TASP1: variants seen among roughly 807,000 people sequenced by gnomAD.
TASP1 encodes threonine aspartase 1.
Under a neutral mutation model 56.6 loss-of-function variants are expected in TASP1, and 16 were observed. That is an observed-to-expected ratio of 0.28 (90% CI 0.19 to 0.43). The LOEUF (loss-of-function observed/expected upper bound fraction) is 0.43, where lower values mean the gene tolerates loss of function less well. TASP1 is among the 20% of genes least tolerant of loss of function. The probability of loss-of-function intolerance (pLI) is 1.00; values close to 1 mark genes in which losing one functional copy is unlikely to be tolerated. For missense variants in TASP1, 393 were observed against 511.6 expected, an observed-to-expected ratio of 0.77 and a Z score of 2.24; for synonymous variants, 179 against 184.2, an observed-to-expected ratio of 0.97 and a Z score of 0.23.
the TASP1 span, chr20:13,300,213 A>C: frequency 2.6e-5 from 4 of 152,180 alleles, no homozygotes; most frequent in Non-Finnish European, 5.9e-5. Flanking sequence ...AAACGGCCCC[A>C]AAACAGTAGA....
the TASP1 span, among the ~76,000 whole-genome samples, chr20:13,369,809 A>G: frequency 0.018 from 2,680 of 152,348 alleles, 76 homozygotes; most frequent in African/African-American, 0.059. Flanking sequence ...ATTGTTTCCA[A>G]ATAAATGCTT....
chr20:13,621,611 C>T (rs182039484), intron 4 of TASP1, among the ~76,000 whole-genome samples: 4 of 151,892 alleles, frequency 2.6e-5, no homozygotes, highest in East Asian at 1.9e-4. Flanking sequence ...ACAAGTTATC[C>T]GAAACTGTAA....
At chr20:13,335,535 C>T in the TASP1 span, among the ~76,000 whole-genome samples, 2 of 151,844 alleles carry the variant, frequency 1.3e-5, no homozygotes, top group Non-Finnish European at 2.9e-5. Flanking sequence ...AAACATACCA[C>T]CAGCGATCTG....
chr20:13,515,341 A>G (rs1222243829), intron 10 of TASP1, among the ~76,000 whole-genome samples: 1 of 152,062 alleles, frequency 6.6e-6, no homozygotes, highest in East Asian at 1.9e-4. Flanking sequence ...ACAATGAGGA[A>G]AGCAACTGGT....
At chr20:13,483,121 C>A in intron 11 of TASP1, 106 bp downstream of exon 11, 1 of 769,998 alleles carries the variant, frequency 1.3e-6, no homozygotes. Flanking sequence ...TCTGCTAGAC[C>A]CTAGAGGTAG....
At chr20:13,539,472 C>T (rs186944986) in intron 8 of TASP1, among the ~76,000 whole-genome samples, 1 of 152,240 alleles carries the variant, frequency 6.6e-6, no homozygotes, top group Non-Finnish European at 1.5e-5. Context: ...ATCCCCTGTG[C>T]CCAGGAGTGC....
chr20:13,292,871 A>G, the TASP1 span, among the ~76,000 whole-genome samples: 1 of 152,000 alleles, frequency 6.6e-6, no homozygotes, highest in African/African-American at 2.4e-5. Flanking sequence ...AGATTTTCTC[A>G]AAATATTGCA....
intron 4 of TASP1, among the ~76,000 whole-genome samples, chr20:13,601,220 G>A (rs1183661102): frequency 6.6e-6 from 1 of 152,028 alleles, no homozygotes; most frequent in Non-Finnish European, 1.5e-5. Context: ...TGAGGTTGCA[G>A]TGAGCTGTGA....
chr20:13,573,652 C>CT (rs1439003711), intron 6 of TASP1, among the ~76,000 whole-genome samples: 2 of 152,080 alleles, frequency 1.3e-5, no homozygotes, highest in African/African-American at 4.8e-5. Context: ...AGAAAGTGAA[C>CT]TTCCAGGTAT....
chr20:13,346,644 C>G, the TASP1 span, among the ~76,000 whole-genome samples: 5 of 152,200 alleles, frequency 3.3e-5, no homozygotes, highest in Admixed American at 3.3e-4. Context: ...TCAAGGTTGT[C>G]GAGGACAGCA....
chr20:13,420,121 C>G (rs1336234674), intron 12 of TASP1, among the ~76,000 whole-genome samples: 4 of 152,010 alleles, frequency 2.6e-5, no homozygotes, highest in African/African-American at 7.2e-5. Context: ...AGGAATTAGC[C>G]AAGAAAAATC....
chr20:13,581,103 T>C (rs2047108444), intron 5 of TASP1, 122 bp from the exon 6 acceptor site: 1 of 783,670 alleles, frequency 1.3e-6, no homozygotes, highest in Non-Finnish European at 2.0e-6. Flanking sequence ...TTTTTCGATA[T>C]ATCAAATAAT....
chr20:13,582,858 G>A (rs1011455430), intron 5 of TASP1, among the ~76,000 whole-genome samples: 6 of 152,092 alleles, frequency 3.9e-5, no homozygotes, highest in African/African-American at 1.2e-4. Context: ...CTCTAAGTAC[G>A]TTTCCTTTGC....
chr20:13,415,052 A>C (rs1344980978), intron 13 of TASP1, among the ~76,000 whole-genome samples: 1 of 152,178 alleles, frequency 6.6e-6, no homozygotes, highest in Non-Finnish European at 1.5e-5. Flanking sequence ...AATTTTTGAA[A>C]ACAAGGGCAC....
chr20:13,374,429 G>A, the TASP1 span, among the ~76,000 whole-genome samples: 1 of 151,380 alleles, frequency 6.6e-6, no homozygotes, highest in Non-Finnish European at 1.5e-5. Context: ...CTCACTGCAA[G>A]CTCTGCCTCC....
At chr20:13,244,659 G>T in the TASP1 span, among the ~76,000 whole-genome samples, 1 of 152,220 alleles carries the variant, frequency 6.6e-6, no homozygotes, top group Non-Finnish European at 1.5e-5. Flanking sequence ...ACACAGATAA[G>T]GAGATAATGT....
the TASP1 span, among the ~76,000 whole-genome samples, chr20:13,351,073 T>A: frequency 2.0e-5 from 3 of 151,738 alleles, no homozygotes; most frequent in Non-Finnish European, 2.9e-5. Flanking sequence ...AATAAACATA[T>A]GAAAAGAAGC....
At chr20:13,275,667 G>C in the TASP1 span, among the ~76,000 whole-genome samples, 2 of 152,208 alleles carry the variant, frequency 1.3e-5, no homozygotes, top group Admixed American at 1.3e-4. Context: ...ATATATAAGT[G>C]TGATTATCTG....
At chr20:13,505,868 C>T (rs535975291) in intron 10 of TASP1, among the ~76,000 whole-genome samples, 14 of 151,636 alleles carry the variant, frequency 9.2e-5, no homozygotes, top group African/African-American at 3.4e-4. Flanking sequence ...GAAAAACATA[C>T]GAAGGCCAAA....
Sources: allele counts gnomAD v4.1 joint callset (sites outside exome capture counted in the v4.1 genomes callset), GRCh38; gene constraint gnomAD v4.1.1; transcripts MANE v1.5; gene names NCBI Gene and HGNC (gene_info 2026-07-23, HGNC 2026-07-21).